The following UNC13C variants were observed in gnomAD, a reference collection of about 807,000 sequenced individuals.
UNC13C encodes the protein protein unc-13 homolog C.
A neutral mutation model predicts 245.4 loss-of-function variants in UNC13C; 174 were observed. That is an observed-to-expected ratio of 0.71 (90% CI 0.63 to 0.80). The LOEUF is 0.80. Among genes scored for constraint, UNC13C ranks in the 30% least tolerant of loss-of-function variants. The pLI is 0.00. For missense variants in UNC13C, 2,829 were observed against 2,602.9 expected (o/e 1.09, Z -1.89); for synonymous variants, 992 against 895.1 (o/e 1.11, Z -1.93).
rs1896505237 is a variant in UNC13C, at chr15:54,546,835, C to T, written c.5810C>T (p.Thr1937Ile). The T allele has an allele frequency of 1.3e-6, 2 of 1,578,592 alleles. No individual in the cohort carries two copies. Among genetic ancestry groups the T allele is most frequent in the African/African-American group, 1.4e-5 (1 of 73,774 alleles). ...IEKQIVLPPLTDQTGPQMIFI... is the reference protein window; with the variant it reads ...IEKQIVLPPLIDQTGPQMIFI... ...AAACAAATTGTTCTTCCTCCTCTGACAGATCAAACAGTAAGTATATAAAGT... is the reference window on the plus strand; with the variant it reads ...AAACAAATTGTTCTTCCTCCTCTGATAGATCAAACAGTAAGTATATAAAGT... Residue 1937 changes from threonine (T) to isoleucine (I), a missense_variant, in exon 27 of 33, where the codon ACA becomes ATA. Transcript: ENST00000260323.
intron 30 of UNC13C, among the ~76,000 whole-genome samples, chr15:54,601,889 C>T (rs1268974945): frequency 6.6e-6 from 1 of 152,128 alleles, no homozygotes; most frequent in African/African-American, 2.4e-5. Context: ...AGAGCATGGC[C>T]TGGTCTCTGC....
At chr15:54,121,489 T>C (rs553891491) in intron 2 of UNC13C, among the ~76,000 whole-genome samples, 42 of 152,256 alleles carry the variant, frequency 2.8e-4, no homozygotes, top group Middle Eastern at 3.4e-3. Flanking sequence ...GTTTCTGTGG[T>C]ATGCCTGTGT....
upstream of UNC13C, among the ~76,000 whole-genome samples, chr15:53,973,651 T>C (rs16973917): frequency 0.038 from 5,831 of 152,050 alleles, 384 homozygotes; most frequent in African/African-American, 0.13. Context: ...CTGTGTCTTT[T>C]AAAAAATTTA....
At chr15:54,571,566 C>A (rs1239832391) in intron 30 of UNC13C, among the ~76,000 whole-genome samples, 1 of 152,176 alleles carries the variant, frequency 6.6e-6, no homozygotes, top group Non-Finnish European at 1.5e-5. Flanking sequence ...TACCAAATAC[C>A]CATGAATAGT....
intron 22 of UNC13C, among the ~76,000 whole-genome samples, chr15:54,504,403 A>T (rs1894374432): frequency 1.3e-5 from 2 of 152,116 alleles, no homozygotes; most frequent in African/African-American, 4.8e-5. Flanking sequence ...CATCTAATTA[A>T]ATGGGTACTA....
At chr15:54,098,553 A>T (rs1900000520) in intron 2 of UNC13C, among the ~76,000 whole-genome samples, 1 of 152,058 alleles carries the variant, frequency 6.6e-6, no homozygotes. Context: ...TTTTACACAC[A>T]TGCCTAAATG....
chr15:54,332,699 A>G (rs1207540069), intron 15 of UNC13C, among the ~76,000 whole-genome samples: 1 of 151,680 alleles, frequency 6.6e-6, no homozygotes, highest in Non-Finnish European at 1.5e-5. Context: ...GTTACAAAAT[A>G]TCTTAGTTAT....
At chr15:54,155,098 G>T (rs1388851642) in intron 4 of UNC13C, among the ~76,000 whole-genome samples, 2 of 152,212 alleles carry the variant, frequency 1.3e-5, no homozygotes. Flanking sequence ...GTTAGACATT[G>T]CCATGTAACA....
At chr15:54,054,161 A>G (rs984887136) in intron 2 of UNC13C, among the ~76,000 whole-genome samples, 2 of 152,176 alleles carry the variant, frequency 1.3e-5, no homozygotes, top group African/African-American at 2.4e-5. Flanking sequence ...TTGCTGGAGT[A>G]TATCATAGCT....
chr15:54,378,304 G>A (rs968389595), intron 17 of UNC13C, among the ~76,000 whole-genome samples: 1 of 152,098 alleles, frequency 6.6e-6, no homozygotes, highest in Non-Finnish European at 1.5e-5. Context: ...AGCACTACCA[G>A]TGCTTTTAAA....
At chr15:54,463,413 G>T (rs1891989180) in intron 19 of UNC13C, among the ~76,000 whole-genome samples, 1 of 151,662 alleles carries the variant, frequency 6.6e-6, no homozygotes, top group South Asian at 2.1e-4. Context: ...CACTCTTTGG[G>T]TCTGCACTGC....
chr15:54,013,393 G>A lies in UNC13C; in HGVS notation c.490G>A (p.Glu164Lys), dbSNP rs760282085. The A allele has an allele frequency of 1.9e-6, 3 of 1,613,874 alleles. No homozygotes were observed. Among genetic ancestry groups the A allele is most frequent in the Non-Finnish European group, 2.5e-6 (3 of 1,179,860 alleles). ...GAGTTCAAGCAGCCTTGCACCCTCTGAGGGCAGCTCTGACGGGGAGCGTAC... is the reference window on the plus strand; with the variant it reads ...GAGTTCAAGCAGCCTTGCACCCTCTAAGGGCAGCTCTGACGGGGAGCGTAC... ...RKSSSSLAPS[E>K]GSSDGERTLH... Residue 164 changes from glutamate (E) to lysine (K), a missense_variant, in exon 2 of 33, where the codon GAG becomes AAG. Transcript: ENST00000260323.
chr15:54,123,736 A>G (rs554190508), intron 2 of UNC13C, among the ~76,000 whole-genome samples: 317 of 152,220 alleles, frequency 2.1e-3, no homozygotes, highest in Non-Finnish European at 3.9e-3. Context: ...GTATGGTTCT[A>G]CGTCATTTTA....
intron 19 of UNC13C, among the ~76,000 whole-genome samples, chr15:54,482,485 T>C (rs1408492014): frequency 6.6e-6 from 1 of 152,158 alleles, no homozygotes; most frequent in African/African-American, 2.4e-5. Flanking sequence ...TTTAAACCAC[T>C]GGGGATCTTT....
chr15:54,460,876 T>C (rs1261046299), intron 19 of UNC13C, among the ~76,000 whole-genome samples: 7 of 152,296 alleles, frequency 4.6e-5, no homozygotes, highest in Non-Finnish European at 7.4e-5. Context: ...TCCTCTCAAG[T>C]CTAGAATATA....
chr15:54,585,372 C>CT (rs1441811138), intron 30 of UNC13C, among the ~76,000 whole-genome samples: 1 of 152,178 alleles, frequency 6.6e-6, no homozygotes, highest in African/African-American at 2.4e-5. Flanking sequence ...CCAGCTCCCC[C>CT]TTTGCTTTCT....
Position 54,445,219 on chromosome 15 carries a change from C to T in UNC13C, c.4933+30152C>T, listed in dbSNP as rs137951882. On this transcript the variant is annotated intron_variant, in intron 19 of 32. Transcript: ENST00000260323. ...TTTTCTTAATCCATTCTGCCATTTT[C>T]AGACATTTGGGTTGGATCCAAGTCT... 5.0e-3 allele frequency among the ~76,000 whole-genome samples: 761 copies of T among 152,134 alleles called. 5 individuals are homozygous for T. Among genetic ancestry groups the T allele is most frequent in the African/African-American group, 0.017 (711 of 41,518 alleles).
chr15:54,566,518 T>A (rs9920565), intron 29 of UNC13C, among the ~76,000 whole-genome samples: 75 of 152,210 alleles, frequency 4.9e-4, no homozygotes, highest in African/African-American at 1.6e-3. Flanking sequence ...ACAGAGCACC[T>A]AGCTAGAATC....
At position 54,283,273 on chromosome 15, in the gene UNC13C, A is replaced by G. The variant is rs2037047095; in HGVS notation, c.3819-10622A>G. Among the ~76,000 whole-genome samples, 4 of 152,340 alleles carry G rather than the reference A, an allele frequency of 2.6e-5. No individual in the cohort carries two copies. In the South Asian group the frequency reaches 8.3e-4, roughly 32 times the overall value. The stretch of plus-strand genomic sequence containing the variant: ...TACATACCTTCAACAATATGGGTAT[A>G]TATACAAATCCACATAAAACGATGT... On this transcript the variant is annotated intron_variant, in intron 10 of 32. Coordinates refer to ENST00000260323, the MANE Select transcript of UNC13C (RefSeq NM_001080534.3).
Sources: gnomAD v4.1 joint callset for allele counts (sites outside exome capture counted in the v4.1 genomes callset) on GRCh38, gnomAD v4.1.1 for gene constraint, MANE v1.5 for transcripts, NCBI Gene and HGNC (gene_info 2026-07-23, HGNC 2026-07-21) for gene names.